Variants in METAP1D observed in about 807,000 individuals in gnomAD.
METAP1D encodes the protein methionine aminopeptidase 1D, mitochondrial.
METAP1D carries 31 observed loss-of-function variants against 40.5 expected under a neutral mutation model. The observed-to-expected ratio is 0.77, with a 90% CI of 0.58 to 1.03. METAP1D has a LOEUF of 1.03. Ranked by LOEUF, METAP1D falls within the 50% of genes least tolerant of loss-of-function variation. The pLI is 0.00. For missense variants in METAP1D, 411 were observed against 420.7 expected (o/e 0.98, Z 0.20); for synonymous variants, 151 against 146.4 (o/e 1.03, Z -0.22).
chr2:172,002,426 C>T (rs1321479718), intron 1 of METAP1D, among the ~76,000 whole-genome samples: 1 of 152,096 alleles, frequency 6.6e-6, no homozygotes, highest in African/African-American at 2.4e-5. Context: ...TTAATCTTTT[C>T]TTTCTTTTTG....
rs935385016 is a variant in METAP1D, at chr2:172,043,673, C to A, written c.41-17825C>A. On this transcript the variant is annotated intron_variant, in intron 1 of 9. Coordinates refer to ENST00000315796, the MANE Select transcript of METAP1D (RefSeq NM_199227.3). ...GTAGCAACCAAGGAGTTAAAAAAAA[C>A]CAAGGATAGACAAATAACAAGAAAT... is the stretch of plus-strand genomic sequence containing the variant. 1.5e-4 allele frequency among the ~76,000 whole-genome samples: 20 copies of A among 133,788 alleles called. 5 individuals carry two copies. The highest frequency in any genetic ancestry group is 2.4e-4 in the Non-Finnish European group (14 of 57,384). The allele number at this position is 133,788 out of a possible 152,430, so 87.8% of individuals were successfully genotyped here. A position where few individuals can be genotyped will look rare whatever the true frequency, so the allele number is the denominator to read the frequency against.
intron 1 of METAP1D, among the ~76,000 whole-genome samples, chr2:172,041,032 C>A (rs1689509537): frequency 6.6e-6 from 1 of 151,818 alleles, no homozygotes; most frequent in Admixed American, 6.6e-5. Flanking sequence ...TCCCAAAGTG[C>A]TGGGATTACA....
intron 1 of METAP1D, among the ~76,000 whole-genome samples, chr2:172,016,540 G>A (rs1205925247): frequency 6.6e-6 from 1 of 151,748 alleles, no homozygotes; most frequent in African/African-American, 2.4e-5. Flanking sequence ...AGGATTGCTT[G>A]AGCTGGGGAG....
chr2:172,008,327 C>T (rs1558991534), intron 1 of METAP1D, among the ~76,000 whole-genome samples: 1 of 152,096 alleles, frequency 6.6e-6, no homozygotes, highest in South Asian at 2.1e-4. Context: ...TTTAATTACT[C>T]CTTCTTTATT....
chr2:172,017,067 G>T (rs1245889405), intron 1 of METAP1D, among the ~76,000 whole-genome samples: 1 of 151,890 alleles, frequency 6.6e-6, no homozygotes. Flanking sequence ...TTAAAATCAC[G>T]TTCATTTGTG....
intron 5 of METAP1D, among the ~76,000 whole-genome samples, chr2:172,067,145 T>C (rs1690303340): frequency 1.3e-5 from 2 of 152,230 alleles, no homozygotes; most frequent in African/African-American, 2.4e-5. Context: ...TATAAATAAA[T>C]TCTGTACATC....
Position 172,042,538 on chromosome 2 carries a change from CATAT to C in METAP1D, c.41-18957_41-18954del, listed in dbSNP as rs141037855. Among the ~76,000 whole-genome samples the C allele has an allele frequency of 2.8e-3, 115 of 40,552 alleles. 52 individuals carry two copies. The highest frequency in any genetic ancestry group is 5.8e-3 in the Admixed American group (19 of 3,284). The allele number at this position is 40,552 out of a possible 152,430, so 26.6% of individuals were successfully genotyped here. On this transcript the variant is annotated intron_variant, in intron 1 of 9. Transcript: ENST00000315796. ...GTATGTGTACATGTGTACATATATACATATATGTGTGTATGTGTACATGTGCACA... is the reference window on the plus strand; with the variant it reads ...GTATGTGTACATGTGTACATATATACATGTGTGTATGTGTACATGTGCACA...
chr2:172,013,614 G>T (rs1225535798), intron 1 of METAP1D, among the ~76,000 whole-genome samples: 1 of 152,056 alleles, frequency 6.6e-6, no homozygotes, highest in African/African-American at 2.4e-5. Context: ...AAAGGGGCTT[G>T]GGTATGCAGA....
At position 172,063,831 on chromosome 2, in the gene METAP1D, G is replaced by A. The variant is rs751521756; in HGVS notation, c.319G>A (p.Val107Ile). The stretch of plus-strand genomic sequence containing the variant: ...TCAGGCTTGTCAGCTGGCCCGCCAC[G>A]TCCTCCTCTTGGCTGGGAAGAGTTT... ...LHQACQLARH[V>I]LLLAGKSLKV... The change falls in exon 3 of 10, where the codon GTC becomes ATC. Residue 107 changes from valine to isoleucine, a missense_variant. Coordinates refer to ENST00000315796, the MANE Select transcript of METAP1D (RefSeq NM_199227.3). 1.1e-5 allele frequency: 17 copies of A among 1,613,336 alleles called. No homozygotes were observed. Among genetic ancestry groups the A allele is most frequent in the Middle Eastern group, 1.6e-4 (1 of 6,078 alleles).
intron 1 of METAP1D, among the ~76,000 whole-genome samples, chr2:172,034,881 T>C (rs545770209): frequency 6.6e-6 from 1 of 152,316 alleles, no homozygotes. Flanking sequence ...TTCTGATTTC[T>C]TATTTTTCTT....
chr2:172,033,050 C>T (rs1277624465), intron 1 of METAP1D, among the ~76,000 whole-genome samples: 1 of 151,762 alleles, frequency 6.6e-6, no homozygotes, highest in East Asian at 1.9e-4. Context: ...CAGAGCAAGA[C>T]TCCATCTCTA....
chr2:172,079,407 AAT>A (rs1690642478), intron 8 of METAP1D, 145 bp downstream of exon 8: 2 of 753,286 alleles, frequency 2.7e-6, no homozygotes, highest in Admixed American at 4.7e-5. Context: ...CTGATTAAAT[AAT>A]ATCCTCAAGC....
Position 172,044,042 on chromosome 2 carries a change from A to G in METAP1D, c.41-17456A>G, listed in dbSNP as rs1689677096. Among the ~76,000 whole-genome samples, 4 of 134,340 alleles carry G rather than the reference A, an allele frequency of 3.0e-5. 1 individual carries two copies. Among genetic ancestry groups the G allele is most frequent in the Non-Finnish European group, 3.5e-5 (2 of 57,596 alleles). 88.1% of individuals were successfully genotyped at this position (134,340 alleles called of 152,430 possible). A position where few individuals can be genotyped will look rare whatever the true frequency, so the allele number is the denominator to read the frequency against. On this transcript the variant is annotated intron_variant, in intron 1 of 9. Transcript: ENST00000315796. ...CAGGAAGTTAAAACTGCAGTGGGCT[A>G]TGATTGCACCACTGCACTTCGTCTG...
rs1022756707 is a variant in METAP1D, at chr2:172,081,037, C to G, written c.*631C>G. 1 of 154,348 alleles carries G rather than the reference C, an allele frequency of 6.5e-6. No individual in the cohort carries two copies. Among genetic ancestry groups the G allele is most frequent in the African/African-American group, 2.4e-5 (1 of 41,440 alleles). The allele number at this position is 154,348 out of a possible 1,614,324, so 9.6% of individuals were successfully genotyped here. ...TTACAAACATGTCCTTGGCAGTGGA[C>G]TCTGGGCCTGGCCATTCTTCAGGTT... On this transcript the variant is annotated 3_prime_UTR_variant, in exon 10 of 10. Transcript: ENST00000315796.
chr2:172,012,790 C>T (rs1241293500), intron 1 of METAP1D, among the ~76,000 whole-genome samples: 3 of 152,280 alleles, frequency 2.0e-5, no homozygotes, highest in Non-Finnish European at 2.9e-5. Flanking sequence ...ATGTTGATGA[C>T]TTCCTGCATG....
chr2:172,035,873 C>T (rs919073451), intron 1 of METAP1D, among the ~76,000 whole-genome samples: 2 of 151,826 alleles, frequency 1.3e-5, no homozygotes, highest in African/African-American at 4.8e-5. Context: ...ATCTCGAATG[C>T]TTGGGCTCAA....
chr2:172,036,260 A>T (rs529704006), intron 1 of METAP1D, among the ~76,000 whole-genome samples: 156 of 147,920 alleles, frequency 1.1e-3, no homozygotes, highest in Admixed American at 4.3e-3. Context: ...GAGCTTGCAG[A>T]GAGCCGAGAT....
intron 1 of METAP1D, among the ~76,000 whole-genome samples, chr2:172,015,015 T>C (rs540857253): frequency 6.1e-4 from 93 of 152,336 alleles, no homozygotes; most frequent in African/African-American, 2.1e-3. Context: ...TGAAAAGATA[T>C]CCATTTTGCA....
chr2:172,016,300 A>AAAATATATATAT (rs1553490378), intron 1 of METAP1D, among the ~76,000 whole-genome samples: 3 of 40,052 alleles, frequency 7.5e-5, no homozygotes, highest in Non-Finnish European at 4.6e-5. Context: ...AAAAAAAAAA[A>AAAATATATATAT]ATATATATAT....
Sources: gnomAD v4.1 joint callset for allele counts (sites outside exome capture counted in the v4.1 genomes callset) on GRCh38, gnomAD v4.1.1 for gene constraint, MANE v1.5 for transcripts, NCBI Gene and HGNC (gene_info 2026-07-23, HGNC 2026-07-21) for gene names.